Variants in UNC5D observed in about 807,000 individuals in gnomAD.
The protein encoded by UNC5D is unc-5 netrin receptor D.
Under a neutral mutation model 105.4 loss-of-function variants are expected in UNC5D, and 39 were observed. That is an observed-to-expected ratio of 0.37 (90% CI 0.29 to 0.48). UNC5D has a LOEUF of 0.48. UNC5D is among the 20% of genes least tolerant of loss of function. The pLI is 0.98. For synonymous variants in UNC5D, 452 were observed against 450.4 expected (o/e 1.00, Z -0.04); for missense variants, 991 against 1,202.4 (o/e 0.82, Z 2.60).
chr8:35,416,587 A>C (rs1805548794), intron 1 of UNC5D, among the ~76,000 whole-genome samples: 1 of 152,224 alleles, frequency 6.6e-6, no homozygotes, highest in African/African-American at 2.4e-5. Context: ...AAGAAAATAC[A>C]GGTGGCCTTC....
chr8:35,722,941 C>T (rs1042563121), intron 9 of UNC5D, among the ~76,000 whole-genome samples: 1 of 152,178 alleles, frequency 6.6e-6, no homozygotes, highest in African/African-American at 2.4e-5. Context: ...CAAGTCCAAG[C>T]AATCTTTAGT....
intron 2 of UNC5D, 138 bp from the exon 3 acceptor site, chr8:35,567,960 T>G (rs1371010595): frequency 1.5e-6 from 2 of 1,316,352 alleles, no homozygotes; most frequent in Non-Finnish European, 2.1e-6. Context: ...AATATATTAT[T>G]GTCAAAGTAA....
At chr8:35,441,270 A>G (rs1214369869) in intron 1 of UNC5D, among the ~76,000 whole-genome samples, 1 of 151,976 alleles carries the variant, frequency 6.6e-6, no homozygotes, top group Non-Finnish European at 1.5e-5. Flanking sequence ...CAGTCCAAAA[A>G]TAGGTGAGTA....
intron 7 of UNC5D, among the ~76,000 whole-genome samples, chr8:35,694,878 G>A (rs1431249245): frequency 6.6e-6 from 1 of 152,064 alleles, no homozygotes; most frequent in African/African-American, 2.4e-5. Flanking sequence ...ACCATGCCCA[G>A]CACATGTGTG....
chr8:35,757,761 G>A (rs1830579445), intron 13 of UNC5D, among the ~76,000 whole-genome samples: 1 of 152,096 alleles, frequency 6.6e-6, no homozygotes, highest in Non-Finnish European at 1.5e-5. Flanking sequence ...AGCCAAGTAC[G>A]CATTTAGAAT....
At chr8:35,726,594 T>C in intron 10 of UNC5D, 65 bp downstream of exon 10, 1 of 1,564,370 alleles carries the variant, frequency 6.4e-7, no homozygotes, top group Non-Finnish European at 8.6e-7. Context: ...ACACAGTTAC[T>C]TCCCATCAGA....
At chr8:35,778,648 T>C (rs549639825) in intron 16 of UNC5D, among the ~76,000 whole-genome samples, 1 of 152,336 alleles carries the variant, frequency 6.6e-6, no homozygotes, top group South Asian at 2.1e-4. Flanking sequence ...CACTTTCGCC[T>C]GACTCTTCCC....
At chr8:35,637,598 T>C (rs1164981006) in intron 4 of UNC5D, among the ~76,000 whole-genome samples, 5 of 152,194 alleles carry the variant, frequency 3.3e-5, no homozygotes, top group Admixed American at 3.3e-4. Context: ...AGTATCCATA[T>C]AGTAAATTGG....
chr8:35,409,520 G>T (rs1805021997), intron 1 of UNC5D, among the ~76,000 whole-genome samples: 1 of 151,758 alleles, frequency 6.6e-6, no homozygotes, highest in African/African-American at 2.4e-5. Context: ...TTTTTAATAT[G>T]CTTATTTGTC....
At chr8:35,643,125 T>C (rs947035374) in intron 4 of UNC5D, among the ~76,000 whole-genome samples, 1 of 152,088 alleles carries the variant, frequency 6.6e-6, no homozygotes, top group Non-Finnish European at 1.5e-5. Context: ...TCCAGAGAAG[T>C]CTTTGTTGTG....
intron 1 of UNC5D, among the ~76,000 whole-genome samples, chr8:35,442,230 C>T (rs575215170): frequency 6.6e-6 from 1 of 151,744 alleles, no homozygotes; most frequent in Non-Finnish European, 1.5e-5. Flanking sequence ...ATGTGTCTTC[C>T]TTCATAACCT....
At chr8:35,789,892 GAAA>G (rs1410206067) in intron 16 of UNC5D, among the ~76,000 whole-genome samples, 2 of 128,042 alleles carry the variant, frequency 1.6e-5, no homozygotes, top group African/African-American at 3.6e-5. Flanking sequence ...TAGTCAAGAA[GAAA>G]ACACACACAC....
intron 8 of UNC5D, among the ~76,000 whole-genome samples, chr8:35,721,153 C>T: frequency 6.6e-6 from 1 of 152,214 alleles, no homozygotes; most frequent in East Asian, 1.9e-4. Context: ...TACTGTTGGA[C>T]CCATTAAGTG....
intron 1 of UNC5D, among the ~76,000 whole-genome samples, chr8:35,284,621 C>T (rs1317272773): frequency 6.6e-6 from 1 of 152,194 alleles, no homozygotes; most frequent in Non-Finnish European, 1.5e-5. Flanking sequence ...GTGGCACGAC[C>T]TCAGCTCACT....
chr8:35,535,743 C>T (rs1563511267), intron 1 of UNC5D, among the ~76,000 whole-genome samples: 1 of 152,132 alleles, frequency 6.6e-6, no homozygotes, highest in Non-Finnish European at 1.5e-5. Flanking sequence ...TAATAATCTA[C>T]AGGATGCAAC....
Position 35,544,427 on chromosome 8 carries a change from T to C in UNC5D, c.104-4865T>C, listed in dbSNP as rs1815491555. On this transcript the variant is annotated intron_variant, in intron 1 of 16. Transcript: ENST00000404895. Reference sequence around the variant, plus strand: ...AGGGATTGTTTAAAAAAAAAAGCTGTAATATGTTATCTGGGGGTGGATGAT... The same window carrying C: ...AGGGATTGTTTAAAAAAAAAAGCTGCAATATGTTATCTGGGGGTGGATGAT... The C allele has an allele frequency of 2.5e-6, 4 of 1,612,228 alleles. No individual in the cohort carries two copies. In the Middle Eastern group the frequency reaches 5.0e-4, roughly 200 times the overall value.
intron 1 of UNC5D, among the ~76,000 whole-genome samples, chr8:35,470,251 G>A (rs1809606027): frequency 6.6e-6 from 1 of 152,006 alleles, no homozygotes; most frequent in Admixed American, 6.6e-5. Context: ...ATGGTGTTGG[G>A]GACATTAGAG....
intron 1 of UNC5D, among the ~76,000 whole-genome samples, chr8:35,311,981 G>C (rs1808923761): frequency 6.6e-6 from 1 of 152,056 alleles, no homozygotes; most frequent in African/African-American, 2.4e-5. Context: ...ACCTCCCACT[G>C]TTTTTAAAAA....
At chr8:35,399,516 C>T (rs1052688626) in intron 1 of UNC5D, among the ~76,000 whole-genome samples, 1 of 152,026 alleles carries the variant, frequency 6.6e-6, no homozygotes, top group Admixed American at 6.6e-5. Context: ...TTTCAAGCCA[C>T]GTATTTTCTG....
Sources: allele counts gnomAD v4.1 joint callset (sites outside exome capture counted in the v4.1 genomes callset), GRCh38; gene constraint gnomAD v4.1.1; transcripts MANE v1.5; gene names NCBI Gene and HGNC (gene_info 2026-07-23, HGNC 2026-07-21).